COL26A1: variants seen among roughly 807,000 people sequenced by gnomAD.
COL26A1 encodes the protein collagen alpha-1(XXVI) chain.
Under a neutral mutation model 59.3 loss-of-function variants are expected in COL26A1, and 41 were observed. The ratio of observed to expected loss-of-function variants is 0.69; its 90% CI spans 0.54 to 0.90. The LOEUF is 0.90. Among genes scored for constraint, COL26A1 ranks in the 40% least tolerant of loss-of-function variants. COL26A1 has a pLI of 0.00. For missense variants in COL26A1, 612 were observed against 602.3 expected, an observed-to-expected ratio of 1.02 and a Z score of -0.17; for synonymous variants, 266 against 256.0, an observed-to-expected ratio of 1.04 and a Z score of -0.37.
chr7:101,381,792 A>G (rs1791457240), intron 1 of COL26A1, among the ~76,000 whole-genome samples: 1 of 152,144 alleles, frequency 6.6e-6, no homozygotes, highest in Admixed American at 6.6e-5. Flanking sequence ...ACTGCATAAG[A>G]TAACATTTTC....
chr7:101,541,508 C>CT (rs60734069), intron 5 of COL26A1, among the ~76,000 whole-genome samples: 23,854 of 136,960 alleles, frequency 0.17, 2,266 homozygotes, highest in African/African-American at 0.25. Context: ...CCACACTTGG[C>CT]TTTTTTTTTT....
At chr7:101,463,811 TCCC>T (rs1397455192) in intron 3 of COL26A1, among the ~76,000 whole-genome samples, 1 of 91,492 alleles carries the variant, frequency 1.1e-5, no homozygotes, top group African/African-American at 4.3e-5. Context: ...CTCTCTTTCT[TCCC>T]TCCCTCCCTT....
At chr7:101,421,179 C>T (rs1182178387) in intron 2 of COL26A1, among the ~76,000 whole-genome samples, 1 of 152,070 alleles carries the variant, frequency 6.6e-6, no homozygotes, top group Non-Finnish European at 1.5e-5. Context: ...TGGAGACTGG[C>T]GATTATTCCA....
intron 3 of COL26A1, among the ~76,000 whole-genome samples, chr7:101,527,453 G>A (rs937885509): frequency 2.6e-5 from 4 of 151,680 alleles, no homozygotes; most frequent in Admixed American, 2.6e-4. Context: ...TCAGCCTCCC[G>A]AGTAGCTTGG....
rs370220726 is a variant in COL26A1, at chr7:101,397,543, C to CTT, written c.159-22424_159-22423dup. 2.5e-4 allele frequency among the ~76,000 whole-genome samples: 32 copies of CTT among 126,074 alleles called. 1 individual carries two copies. The highest frequency in any genetic ancestry group is 5.4e-4 in the Admixed American group (6 of 11,078). The allele number at this position is 126,074 out of a possible 152,430, so 82.7% of individuals were successfully genotyped here. A position where few individuals can be genotyped will look rare whatever the true frequency, so the allele number is the denominator to read the frequency against. Reference sequence around the variant, plus strand: ...CTTCCTTCTCTCCTCCCCCCCCCTCCTTTTTTTTTTTGAGACAGGGTCTCC... The same window carrying CTT: ...CTTCCTTCTCTCCTCCCCCCCCCTCCTTTTTTTTTTTTTGAGACAGGGTCTCC... On this transcript the variant is annotated intron_variant, in intron 1 of 12. Coordinates refer to ENST00000313669, the MANE Select transcript of COL26A1 (RefSeq NM_001278563.3).
intron 3 of COL26A1, among the ~76,000 whole-genome samples, chr7:101,528,524 C>A (rs1225956137): frequency 6.6e-5 from 10 of 151,472 alleles, no homozygotes; most frequent in Non-Finnish European, 1.3e-4. Flanking sequence ...TCCCTCTCCT[C>A]CCCTCCTCTC....
chr7:101,490,608 C>G (rs548290504), intron 3 of COL26A1, among the ~76,000 whole-genome samples: 1 of 151,862 alleles, frequency 6.6e-6, no homozygotes, highest in Admixed American at 6.5e-5. Flanking sequence ...GGCTGAGGCA[C>G]AAGAATCACT....
chr7:101,438,449 G>A (rs1792969616), intron 2 of COL26A1, among the ~76,000 whole-genome samples: 1 of 151,566 alleles, frequency 6.6e-6, no homozygotes, highest in African/African-American at 2.4e-5. Context: ...GGGTATATGT[G>A]GAAAGATGGG....
At position 101,452,943 on chromosome 7, in the gene COL26A1, T is replaced by C. The variant is rs377325469; in HGVS notation, c.385+5156T>C. 1.4e-3 allele frequency among the ~76,000 whole-genome samples: 216 copies of C among 152,216 alleles called. 3 individuals are homozygous for C. In the Middle Eastern group the frequency reaches 0.034, roughly 24 times the overall value. Reference sequence around the variant, plus strand: ...CCATGCCTGGCTAATTATTGTATTTTTAGTAGAGACGGAGTCTCACCATGT... The same window carrying C: ...CCATGCCTGGCTAATTATTGTATTTCTAGTAGAGACGGAGTCTCACCATGT... On this transcript the variant is annotated intron_variant, in intron 3 of 12. Coordinates refer to ENST00000313669, the MANE Select transcript of COL26A1 (RefSeq NM_001278563.3).
chr7:101,434,096 CTTTCTG>C (rs1792850603), intron 2 of COL26A1, among the ~76,000 whole-genome samples: 3 of 107,520 alleles, frequency 2.8e-5, no homozygotes, highest in African/African-American at 1.1e-4. Flanking sequence ...CTCCCTCTTT[CTTTCTG>C]CTTTCTTTCT....
At chr7:101,528,071 G>A (rs530980289) in intron 3 of COL26A1, among the ~76,000 whole-genome samples, 2 of 152,166 alleles carry the variant, frequency 1.3e-5, no homozygotes, top group African/African-American at 2.4e-5. Flanking sequence ...GATGGGGGTG[G>A]TGTGGGGAGT....
intron 1 of COL26A1, among the ~76,000 whole-genome samples, chr7:101,381,728 C>T (rs1417125909): frequency 6.6e-6 from 1 of 152,208 alleles, no homozygotes; most frequent in Admixed American, 6.6e-5. Context: ...CACTGTTGCA[C>T]TGGGGATTAA....
intron 3 of COL26A1, among the ~76,000 whole-genome samples, chr7:101,463,901 CTTTT>C (rs1554416113): frequency 0.011 from 393 of 34,206 alleles, 5 homozygotes; most frequent in African/African-American, 0.037. Context: ...TTCTTTCTTT[CTTTT>C]TCTTTCTCTC....
chr7:101,521,944 T>C (rs1237166179), intron 3 of COL26A1, among the ~76,000 whole-genome samples: 1 of 152,168 alleles, frequency 6.6e-6, no homozygotes, highest in Non-Finnish European at 1.5e-5. Flanking sequence ...CTGTTGCATG[T>C]GGTTTGCCTA....
intron 7 of COL26A1, among the ~76,000 whole-genome samples, 190 bp downstream of exon 7, chr7:101,545,680 T>C (rs1290035263): frequency 1.3e-5 from 2 of 152,210 alleles, no homozygotes; most frequent in Non-Finnish European, 2.9e-5. Flanking sequence ...CCAGTGACGA[T>C]GACAGGGAAC....
intron 3 of COL26A1, among the ~76,000 whole-genome samples, chr7:101,517,985 T>TA (rs1795066425): frequency 6.6e-6 from 1 of 151,888 alleles, no homozygotes; most frequent in African/African-American, 2.4e-5. Context: ...TAGCTTGTTC[T>TA]AAAAAACTTT....
chr7:101,388,573 T>C lies in COL26A1; in HGVS notation c.158+25383T>C, dbSNP rs148020048. ...CCTGGCAATCACCACCTATTTTCTTTTTTTTTTTTTGAGACAGTCTCACTC... is the reference window on the plus strand; with the variant it reads ...CCTGGCAATCACCACCTATTTTCTTCTTTTTTTTTTGAGACAGTCTCACTC... On this transcript the variant is annotated intron_variant, in intron 1 of 12. Transcript: ENST00000313669. Among the ~76,000 whole-genome samples the C allele has an allele frequency of 1.3e-3, 181 of 134,224 alleles. 5 individuals are homozygous for C. The East Asian group carries it at 0.037, about 28-fold the overall frequency. 88.1% of individuals were successfully genotyped at this position (134,224 alleles called of 152,430 possible). A position where few individuals can be genotyped will look rare whatever the true frequency, so the allele number is the denominator to read the frequency against.
At chr7:101,439,418 G>A (rs868445801) in intron 2 of COL26A1, among the ~76,000 whole-genome samples, 152 of 152,142 alleles carry the variant, frequency 1.0e-3, no homozygotes, top group African/African-American at 3.5e-3. Context: ...GCCAGGAGTG[G>A]TGGTGCGCAC....
chr7:101,543,578 A>G (rs1021483176), intron 5 of COL26A1, among the ~76,000 whole-genome samples: 3 of 151,838 alleles, frequency 2.0e-5, no homozygotes, highest in Admixed American at 1.3e-4. Context: ...ATCCTTCAGG[A>G]CCTCCTGGGG....
Sources: gnomAD v4.1 joint callset for allele counts (sites outside exome capture counted in the v4.1 genomes callset) on GRCh38, gnomAD v4.1.1 for gene constraint, MANE v1.5 for transcripts, NCBI Gene and HGNC (gene_info 2026-07-23, HGNC 2026-07-21) for gene names.